CEMIP: variants seen among roughly 807,000 people sequenced by gnomAD.
CEMIP encodes cell migration-inducing and hyaluronan-binding protein.
Under a neutral mutation model 156.9 loss-of-function variants are expected in CEMIP, and 105 were observed. The ratio of observed to expected loss-of-function variants is 0.67; its 90% CI spans 0.57 to 0.79. CEMIP has a LOEUF of 0.79. Ranked by LOEUF, CEMIP falls within the 30% of genes least tolerant of loss-of-function variation. The pLI is 0.00. For missense variants in CEMIP, 1,457 were observed against 1,769.4 expected, an observed-to-expected ratio of 0.82 and a Z score of 3.17; for synonymous variants, 676 against 668.4, an observed-to-expected ratio of 1.01 and a Z score of -0.17.
intron 1 of CEMIP, among the ~76,000 whole-genome samples, chr15:80,825,193 TAA>T (rs1897003236): frequency 1.3e-5 from 2 of 152,142 alleles, no homozygotes; most frequent in Admixed American, 1.3e-4. Context: ...AGACAATAAC[TAA>T]GAGTTAACTG....
chr15:80,942,670 G>A (rs1901387442), intron 27 of CEMIP, among the ~76,000 whole-genome samples: 2 of 152,150 alleles, frequency 1.3e-5, no homozygotes, highest in African/African-American at 2.4e-5. Flanking sequence ...AATCCAGAAG[G>A]TTTAATCAAA....
intron 1 of CEMIP, among the ~76,000 whole-genome samples, chr15:80,783,345 A>G (rs1291371677): frequency 6.6e-6 from 1 of 152,264 alleles, no homozygotes; most frequent in Non-Finnish European, 1.5e-5. Flanking sequence ...AGTCTGGACT[A>G]CACATCTCTT....
chr15:80,801,388 T>A (rs916704546), intron 1 of CEMIP, among the ~76,000 whole-genome samples: 1 of 152,178 alleles, frequency 6.6e-6, no homozygotes, highest in South Asian at 2.1e-4. Flanking sequence ...TGGATGAGGG[T>A]GACTGGACCA....
chr15:80,865,146 G>T (rs1898089447), intron 1 of CEMIP, among the ~76,000 whole-genome samples: 1 of 152,104 alleles, frequency 6.6e-6, no homozygotes, highest in East Asian at 1.9e-4. Context: ...GACTTGAAAT[G>T]TACCTAGTGC....
intron 1 of CEMIP, among the ~76,000 whole-genome samples, chr15:80,803,199 G>A (rs562609203): frequency 1.3e-5 from 2 of 152,132 alleles, no homozygotes; most frequent in South Asian, 2.1e-4. Context: ...GACCACTCCC[G>A]CAGAGTTGTA....
chr15:80,895,825 A>G (rs931122111), intron 11 of CEMIP, 44 bp from the exon 12 acceptor site: 6 of 1,604,274 alleles, frequency 3.7e-6, no homozygotes, highest in Non-Finnish European at 5.1e-6. Context: ...AAGTTTGCCA[A>G]GAGCAAAGGG....
chr15:80,912,469 T>C (rs1900107940), intron 14 of CEMIP, among the ~76,000 whole-genome samples: 1 of 152,178 alleles, frequency 6.6e-6, no homozygotes, highest in Admixed American at 6.5e-5. Flanking sequence ...GGTGGCCACA[T>C]AGAGGTCCAG....
At chr15:80,888,143 A>G (rs999670863) in intron 8 of CEMIP, among the ~76,000 whole-genome samples, 3 of 152,016 alleles carry the variant, frequency 2.0e-5, no homozygotes, top group Non-Finnish European at 4.4e-5. Flanking sequence ...CGGGTGGATC[A>G]CTTGAGGTCA....
At chr15:80,923,629 A>G (rs993258042) in intron 17 of CEMIP, among the ~76,000 whole-genome samples, 1 of 152,088 alleles carries the variant, frequency 6.6e-6, no homozygotes, top group Non-Finnish European at 1.5e-5. Context: ...AGGAGTGAAG[A>G]AGAACCTCCA....
intron 3 of CEMIP, among the ~76,000 whole-genome samples, chr15:80,877,644 G>A (rs777097524): frequency 2.6e-5 from 4 of 152,112 alleles, no homozygotes; most frequent in Admixed American, 6.5e-5. Context: ...CTGTGACAGC[G>A]CCAGTCCTCC....
Position 80,937,915 on chromosome 15 carries a change from C to T in CEMIP, c.3343C>T (p.Gln1115Ter), listed in dbSNP as rs747555898. The T allele has an allele frequency of 6.2e-7, 1 of 1,614,192 alleles. No homozygotes were observed. Among genetic ancestry groups the T allele is most frequent in the South Asian group, 1.1e-5 (1 of 91,084 alleles). The change falls in exon 25 of 30, where the codon CAG becomes TAG. Residue 1115 changes from glutamine to a stop codon, truncating the protein, a stop_gained. Transcript: ENST00000394685. LOFTEE classifies it high-confidence loss of function. The part of the protein sequence containing the change: ...SKTGVFVRTL[Q>*]MDKVEQSYPG... ...GACGGGCGTCTTCGTGAGGACCTTG[C>T]AGATGGACAAAGTGGAGCAGAGCTA...
chr15:80,907,978 C>T (rs1350596611), intron 13 of CEMIP, among the ~76,000 whole-genome samples: 1 of 152,220 alleles, frequency 6.6e-6, no homozygotes, highest in Non-Finnish European at 1.5e-5. Flanking sequence ...GGGGGCCCTA[C>T]TGGCATTTTA....
intron 1 of CEMIP, among the ~76,000 whole-genome samples, chr15:80,810,823 TC>T (rs1896654231): frequency 6.6e-6 from 1 of 151,838 alleles, no homozygotes; most frequent in East Asian, 1.9e-4. Flanking sequence ...CATCCATCCA[TC>T]CATCCATCCA....
intron 1 of CEMIP, among the ~76,000 whole-genome samples, chr15:80,823,188 G>A (rs2141658304): frequency 6.6e-6 from 1 of 152,340 alleles, no homozygotes; most frequent in Admixed American, 6.5e-5. Context: ...ATGAGAGTAT[G>A]CCTCTGTTTA....
intron 1 of CEMIP, among the ~76,000 whole-genome samples, chr15:80,836,894 C>A (rs1042259955): frequency 6.6e-6 from 1 of 152,224 alleles, no homozygotes; most frequent in Non-Finnish European, 1.5e-5. Flanking sequence ...ATTGTAAGGG[C>A]TAAGCAGTGG....
intron 1 of CEMIP, among the ~76,000 whole-genome samples, chr15:80,844,162 G>C (rs990253321): frequency 1.3e-5 from 2 of 152,204 alleles, no homozygotes; most frequent in Non-Finnish European, 2.9e-5. Flanking sequence ...CAACCTCCCT[G>C]GCACTCACAC....
At chr15:80,887,623 T>TC (rs896052386) in intron 7 of CEMIP, 71 bp from the exon 8 acceptor site, 15 of 1,208,898 alleles carry the variant, frequency 1.2e-5, no homozygotes, top group Non-Finnish European at 1.6e-5. Context: ...CTCTGCCCCA[T>TC]CCCCCCACAC....
At chr15:80,911,225 C>T (rs776748111) in intron 14 of CEMIP, among the ~76,000 whole-genome samples, 23 of 152,168 alleles carry the variant, frequency 1.5e-4, no homozygotes, top group Non-Finnish European at 2.6e-4. Flanking sequence ...CTCCCTCATG[C>T]GATTTGCAGA....
chr15:80,815,197 G>A (rs573916034), intron 1 of CEMIP, among the ~76,000 whole-genome samples: 46 of 152,342 alleles, frequency 3.0e-4, no homozygotes, highest in African/African-American at 1.1e-3. Flanking sequence ...TCCTAACTCC[G>A]TCACTCACTA....
Sources: allele counts gnomAD v4.1 joint callset (sites outside exome capture counted in the v4.1 genomes callset), GRCh38; gene constraint gnomAD v4.1.1; transcripts MANE v1.5; gene names NCBI Gene and HGNC (gene_info 2026-07-23, HGNC 2026-07-21).